Variants in WDR76 observed in about 807,000 individuals in gnomAD.
WDR76 encodes WD repeat domain 76.
In WDR76, 52 loss-of-function variants were observed where a neutral mutation model predicts 70.2. The observed-to-expected ratio is 0.74, with a 90% CI of 0.59 to 0.93. The LOEUF (loss-of-function observed/expected upper bound fraction) is 0.93. Ranked by LOEUF, WDR76 falls within the 40% of genes least tolerant of loss-of-function variation. The pLI, the probability that WDR76 is intolerant of heterozygous loss-of-function variation, is 0.00. For synonymous variants in WDR76, 292 were observed against 271.1 expected, an observed-to-expected ratio of 1.08 and a Z score of -0.76; for missense variants, 756 against 760.2, an observed-to-expected ratio of 0.99 and a Z score of 0.07.
chr15:43,845,789 A>G lies in WDR76; in HGVS notation c.1032+1735A>G, dbSNP rs1042561501. On this transcript the variant is annotated intron_variant, in intron 8 of 12. Coordinates refer to ENST00000263795, the MANE Select transcript of WDR76 (RefSeq NM_024908.4). ...TACAAAATTGAGAAAAGTCAAGTTAATGTTCTCTGAATTTATTTTCTTATT... is the reference window on the plus strand; with the variant it reads ...TACAAAATTGAGAAAAGTCAAGTTAGTGTTCTCTGAATTTATTTTCTTATT... Among the ~76,000 whole-genome samples the G allele has an allele frequency of 2.7e-5, 4 of 150,478 alleles. 1 individual carries two copies. The highest frequency in any genetic ancestry group is 6.0e-5 in the Non-Finnish European group (4 of 67,124).
chr15:43,845,777 AAAGTC>A (rs2087780825), intron 8 of WDR76, among the ~76,000 whole-genome samples: 1 of 150,444 alleles, frequency 6.6e-6, no homozygotes, highest in African/African-American at 2.4e-5. Flanking sequence ...AAAATTGAGA[AAAGTC>A]AAGTTAATGT....
At chr15:43,836,760 A>C (rs1407036801) in intron 4 of WDR76, among the ~76,000 whole-genome samples, 1 of 152,056 alleles carries the variant, frequency 6.6e-6, no homozygotes, top group East Asian at 1.9e-4. Flanking sequence ...GGCTGGGTGC[A>C]GTGGCTCATG....
At chr15:43,859,410 T>C (rs2087969708) in intron 11 of WDR76, among the ~76,000 whole-genome samples, 1 of 151,954 alleles carries the variant, frequency 6.6e-6, no homozygotes, top group Non-Finnish European at 1.5e-5. Context: ...CAAAGGAAAA[T>C]TATTTTGTTC....
intron 4 of WDR76, among the ~76,000 whole-genome samples, chr15:43,839,031 C>G (rs2087690687): frequency 6.6e-6 from 1 of 151,976 alleles, no homozygotes. Context: ...GCTTCTCTTT[C>G]CCCAACATTT....
intron 12 of WDR76, among the ~76,000 whole-genome samples, chr15:43,865,532 A>G (rs570957678): frequency 4.6e-5 from 7 of 152,238 alleles, no homozygotes; most frequent in African/African-American, 1.7e-4. Flanking sequence ...TGGCCTCCCA[A>G]AGTGCTGGGA....
chr15:43,838,730 T>C (rs1219072468), intron 4 of WDR76, among the ~76,000 whole-genome samples: 1 of 152,222 alleles, frequency 6.6e-6, no homozygotes, highest in Non-Finnish European at 1.5e-5. Context: ...CTACTGTTGA[T>C]GAACAATTGA....
intron 5 of WDR76, among the ~76,000 whole-genome samples, chr15:43,842,003 G>A (rs986518886): frequency 1.1e-4 from 17 of 152,050 alleles, no homozygotes; most frequent in African/African-American, 4.1e-4. Context: ...GAGCTGCTGG[G>A]ATTACAGGTG....
At position 43,843,998 on chromosome 15, in the gene WDR76, A is replaced by G. The variant is rs1436580778; in HGVS notation, c.976A>G (p.Thr326Ala). The change falls in exon 8 of 13, where the codon ACT becomes GCT. Residue 326 changes from threonine (T) to alanine (A), a missense_variant. Transcript: ENST00000263795. The part of the protein sequence containing the change: ...IFSMALHPSE[T>A]RTLVAVGAKF... ...CTCTATGGCTCTCCATCCATCAGAAACTAGAACTTTGGTAGCAGTTGGGGC... is the reference window on the plus strand; with the variant it reads ...CTCTATGGCTCTCCATCCATCAGAAGCTAGAACTTTGGTAGCAGTTGGGGC... The G allele has an allele frequency of 6.2e-7, 1 of 1,613,962 alleles. No homozygotes were observed. Among genetic ancestry groups the G allele is most frequent in the South Asian group, 1.1e-5 (1 of 91,020 alleles).
chr15:43,842,335 C>T, intron 5 of WDR76, 80 bp from the exon 6 acceptor site: 3 of 1,271,014 alleles, frequency 2.4e-6, no homozygotes, highest in Non-Finnish European at 3.3e-6. Context: ...GTGGGGAAAA[C>T]AGACAAATAC....
chr15:43,865,981 G>GT, intron 12 of WDR76, 147 bp from the exon 13 acceptor site: 1 of 897,600 alleles, frequency 1.1e-6, no homozygotes, highest in Non-Finnish European at 1.7e-6. Context: ...TAAGGATGAG[G>GT]TAAGGTTGGT....
intron 8 of WDR76, 67 bp downstream of exon 8, chr15:43,844,121 C>T (rs962268122): frequency 2.4e-5 from 35 of 1,433,798 alleles, no homozygotes; most frequent in Non-Finnish European, 3.1e-5. Flanking sequence ...AGAGAATAGG[C>T]TAGAGCCATG....
At position 43,843,001 on chromosome 15, in the gene WDR76, TTTTTTC is replaced by T. The variant is rs1359297394; in HGVS notation, c.878+342_878+347del. ...ATGTATATACAATTTTGCATTACAC[TTTTTTC>T]TTTTTCTTTTTTTTTTTTTTTTTTT... is the stretch of plus-strand genomic sequence containing the variant. On this transcript the variant is annotated intron_variant, in intron 7 of 12. Coordinates refer to ENST00000263795, the MANE Select transcript of WDR76 (RefSeq NM_024908.4). Among the ~76,000 whole-genome samples the T allele has an allele frequency of 5.3e-5, 8 of 151,156 alleles. No homozygotes were observed. The East Asian group carries it at 7.8e-4, about 15-fold the overall frequency.
chr15:43,839,567 T>A (rs1318539908), intron 4 of WDR76, 38 bp from the exon 5 acceptor site: 2 of 1,576,502 alleles, frequency 1.3e-6, no homozygotes, highest in Non-Finnish European at 1.7e-6. Flanking sequence ...ATTTTATTGT[T>A]TTGTGAGTAT....
rs1362081125 is a variant in WDR76 at position 43,857,147 on chromosome 15, A to G, written c.1393A>G (p.Ile465Val). Residue 465 changes from isoleucine to valine, a missense_variant, in exon 10 of 13, where the codon ATC becomes GTC. Ile to Val is a conservative substitution (Grantham distance 29). Coordinates refer to ENST00000263795, the MANE Select transcript of WDR76 (RefSeq NM_024908.4). The stretch of plus-strand genomic sequence containing the variant: ...CCACCCAGTGCATAGACAGTATTTT[A>G]TCACTGCCGGATTGAGGTATGGTCT... ...HVHPVHRQYF[I>V]TAGLRDTHIY... 1.2e-6 allele frequency: 2 copies of G among 1,613,516 alleles called. No homozygotes were observed. Among genetic ancestry groups the G allele is most frequent in the Non-Finnish European group, 8.5e-7 (1 of 1,179,748 alleles).
At chr15:43,862,654 G>A (rs967626569) in intron 12 of WDR76, among the ~76,000 whole-genome samples, 6 of 148,460 alleles carry the variant, frequency 4.0e-5, no homozygotes, top group Admixed American at 1.3e-4. Context: ...GACTACAGGC[G>A]CCTGCCACCA....
chr15:43,842,602 T>C (rs1203745940), intron 6 of WDR76, 26 bp from the exon 7 acceptor site: 6 of 1,605,766 alleles, frequency 3.7e-6, no homozygotes, highest in Non-Finnish European at 4.2e-6. Context: ...ACTAACTTAG[T>C]TCTTTCATCT....
At chr15:43,848,499 A>G (rs1225804542) in intron 8 of WDR76, among the ~76,000 whole-genome samples, 1 of 152,180 alleles carries the variant, frequency 6.6e-6, no homozygotes, top group Non-Finnish European at 1.5e-5. Flanking sequence ...GAATGGGGAA[A>G]TAGTTGCTGG....
chr15:43,848,423 T>A (rs530286236), intron 8 of WDR76, among the ~76,000 whole-genome samples: 1 of 152,156 alleles, frequency 6.6e-6, no homozygotes, highest in African/African-American at 2.4e-5. Context: ...ATCCTGAGAA[T>A]TTTCTATATT....
intron 8 of WDR76, among the ~76,000 whole-genome samples, chr15:43,849,801 G>C (rs1039537224): frequency 3.9e-5 from 6 of 152,162 alleles, no homozygotes; most frequent in African/African-American, 1.4e-4. Flanking sequence ...CTCCCAAAGT[G>C]CTGGGATTAC....
Sources: gnomAD v4.1 joint callset for allele counts (sites outside exome capture counted in the v4.1 genomes callset) on GRCh38, gnomAD v4.1.1 for gene constraint, MANE v1.5 for transcripts, NCBI Gene and HGNC (gene_info 2026-07-23, HGNC 2026-07-21) for gene names.